Variants in CACNG3 observed in about 807,000 individuals in gnomAD.
The protein encoded by CACNG3 is calcium voltage-gated channel auxiliary subunit gamma 3, also known as voltage-dependent calcium channel gamma-3 subunit.
CACNG3 carries 3 observed loss-of-function variants against 28.5 expected under a neutral mutation model. The observed-to-expected ratio is 0.11, with a 90% confidence interval of 0.05 to 0.27. The LOEUF (loss-of-function observed/expected upper bound fraction) is 0.27, where lower values mean the gene tolerates loss of function less well. Among genes scored for constraint, CACNG3 ranks in the 10% least tolerant of loss-of-function variants. The pLI, the probability that CACNG3 is intolerant of heterozygous loss-of-function variation, is 1.00. For synonymous variants in CACNG3, 174 were observed against 162.2 expected, an observed-to-expected ratio of 1.07 and a Z score of -0.55; for missense variants, 236 against 414.4, an observed-to-expected ratio of 0.57 and a Z score of 3.74.
intron 1 of CACNG3, among the ~76,000 whole-genome samples, chr16:24,319,513 G>T (rs1899428437): frequency 6.6e-6 from 1 of 152,148 alleles, no homozygotes; most frequent in Non-Finnish European, 1.5e-5. Flanking sequence ...GAGTGCAGTG[G>T]TGTGATCATG....
At chr16:24,279,417 C>T (rs563197238) in intron 1 of CACNG3, among the ~76,000 whole-genome samples, 1 of 152,228 alleles carries the variant, frequency 6.6e-6, no homozygotes, top group East Asian at 1.9e-4. Flanking sequence ...CCTCAGCCTC[C>T]TGAGTAGCTG....
At chr16:24,333,811 C>T (rs1315726722) in intron 1 of CACNG3, among the ~76,000 whole-genome samples, 1 of 152,144 alleles carries the variant, frequency 6.6e-6, no homozygotes, top group Non-Finnish European at 1.5e-5. Flanking sequence ...CACTGCACTC[C>T]AGTCTGGTGA....
intron 1 of CACNG3, among the ~76,000 whole-genome samples, chr16:24,299,369 C>A (rs1357841536): frequency 6.6e-6 from 1 of 152,148 alleles, no homozygotes; most frequent in Non-Finnish European, 1.5e-5. Context: ...TTTGAAGCAG[C>A]CCCCATCAAT....
intron 1 of CACNG3, among the ~76,000 whole-genome samples, chr16:24,305,305 CTT>C (rs1191941669): frequency 1.4e-5 from 2 of 146,094 alleles, no homozygotes; most frequent in African/African-American, 2.5e-5. Context: ...TATATACAAA[CTT>C]ATATACATAA....
chr16:24,283,778 C>G (rs9935975), intron 1 of CACNG3, among the ~76,000 whole-genome samples: 71,582 of 151,960 alleles, frequency 0.47, 17,228 homozygotes, highest in East Asian at 0.7. Flanking sequence ...TCACAGATCT[C>G]GGTTTACATC....
intron 1 of CACNG3, among the ~76,000 whole-genome samples, chr16:24,298,553 TAA>T (rs1899063922): frequency 1.3e-5 from 2 of 152,186 alleles, no homozygotes; most frequent in African/African-American, 2.4e-5. Context: ...AAAGATAATA[TAA>T]GAGTTCCTGC....
chr16:24,316,491 G>C (rs1421167221), intron 1 of CACNG3, among the ~76,000 whole-genome samples: 2 of 152,166 alleles, frequency 1.3e-5, no homozygotes, highest in Non-Finnish European at 2.9e-5. Flanking sequence ...AGCTCCTGCG[G>C]GAAGGACATG....
At chr16:24,302,486 G>A (rs1238496170) in intron 1 of CACNG3, among the ~76,000 whole-genome samples, 1 of 151,832 alleles carries the variant, frequency 6.6e-6, no homozygotes. Context: ...ATGGAGTCTT[G>A]CTCTGTTGCC....
In CACNG3 at chr16:24,361,757, A is replaced by G. The variant is rs1900104687; in HGVS notation, c.842A>G (p.Asn281Ser). Residue 281 changes from asparagine (N) to serine (S), a missense_variant, in exon 4 of 4, where the codon AAC (asparagine) becomes AGC (serine). Transcript: ENST00000005284. The surrounding 1 kb of genome is among the most constrained non-coding windows in gnomAD (Gnocchi z 6.8). The part of the protein sequence containing the change: ...PSKITMGTLL[N>S]SDRDHAFLQF... ...AAGATCACCATGGGGACCCTCCTCAACTCCGACCGGGACCACGCTTTTCTA... is the reference window on the plus strand; with the variant it reads ...AAGATCACCATGGGGACCCTCCTCAGCTCCGACCGGGACCACGCTTTTCTA... 1.2e-6 allele frequency: 2 copies of G among 1,613,608 alleles called. No individual in the cohort carries two copies. The highest frequency in any genetic ancestry group is 1.7e-6 in the Non-Finnish European group (2 of 1,179,898).
intron 1 of CACNG3, among the ~76,000 whole-genome samples, chr16:24,274,715 C>A (rs951493125): frequency 1.3e-5 from 2 of 152,282 alleles, no homozygotes; most frequent in Middle Eastern, 6.8e-3. Context: ...AGAATATCCC[C>A]GAGATGAGCT....
At chr16:24,281,682 T>G (rs1326787656) in intron 1 of CACNG3, among the ~76,000 whole-genome samples, 2 of 152,192 alleles carry the variant, frequency 1.3e-5, no homozygotes, top group Non-Finnish European at 2.9e-5. Context: ...TGATTCAATC[T>G]TGAAGTAGGA....
chr16:24,352,976 TTTTG>T (rs753964505), intron 2 of CACNG3, among the ~76,000 whole-genome samples: 16 of 151,982 alleles, frequency 1.1e-4, no homozygotes, highest in Non-Finnish European at 2.2e-4. Flanking sequence ...TGTTTTTTGT[TTTTG>T]TTTGTTTGTT....
chr16:24,257,510 C>T (rs1309742843), intron 1 of CACNG3, among the ~76,000 whole-genome samples: 2 of 151,300 alleles, frequency 1.3e-5, no homozygotes, highest in African/African-American at 2.4e-5. Flanking sequence ...TTTGCTCTAA[C>T]TAGATATTGT....
intron 1 of CACNG3, among the ~76,000 whole-genome samples, chr16:24,316,000 G>A (rs1012993233): frequency 3.9e-5 from 6 of 152,072 alleles, no homozygotes; most frequent in South Asian, 2.1e-4. Context: ...TGTACTATGT[G>A]CCAGGCAGCA....
In CACNG3 at chr16:24,361,686, C is replaced by T. The variant is rs144805488; in HGVS notation, c.771C>T (p.Ile257=). 9.3e-6 allele frequency: 15 copies of T among 1,613,986 alleles called. No homozygotes were observed. The African/African-American group carries it at 1.6e-4, about 17-fold the overall frequency. Residue 257 remains isoleucine (I), a synonymous_variant, in exon 4 of 4, where the codon ATC becomes ATT. Coordinates refer to ENST00000005284, the MANE Select transcript of CACNG3 (RefSeq NM_006539.4). This position sits in a 1 kb window ranked among gnomAD's most constrained non-coding sequence, Gnocchi z 6.8. ...LSPISKGFHT[I]PSTDISMFTL... ...CCATCAGCAAAGGCTTCCACACCAT[C>T]CCTTCCACTGACATCTCGATGTTCA...
At chr16:24,312,970 G>GAAAGAAAGAAAGA (rs1567216144) in intron 1 of CACNG3, among the ~76,000 whole-genome samples, 31 of 130,486 alleles carry the variant, frequency 2.4e-4, no homozygotes, top group Admixed American at 2.0e-3. Flanking sequence ...AGAAAGAAAA[G>GAAAGAAAGAAAGA]AAAGAAAGAA....
At chr16:24,305,343 TG>T (rs1899172024) in intron 1 of CACNG3, among the ~76,000 whole-genome samples, 3 of 150,682 alleles carry the variant, frequency 2.0e-5, no homozygotes, top group African/African-American at 7.3e-5. Flanking sequence ...TGTGTGTGTG[TG>T]TGTGTGTGTG....
intron 1 of CACNG3, among the ~76,000 whole-genome samples, chr16:24,328,385 G>A (rs2238516): frequency 0.29 from 43,663 of 148,344 alleles, 6,682 homozygotes; most frequent in South Asian, 0.42. Context: ...AGGGGCTGGG[G>A]CCACATCACA....
intron 3 of CACNG3, among the ~76,000 whole-genome samples, chr16:24,355,778 T>C (rs536502807): frequency 3.6e-4 from 54 of 152,094 alleles, no homozygotes; most frequent in Non-Finnish European, 4.7e-4. Context: ...CCTGCAAAGT[T>C]TGAAAGTCAT....
Sources: gnomAD v4.1 joint callset for allele counts (sites outside exome capture counted in the v4.1 genomes callset) on GRCh38, gnomAD v4.1.1 for gene constraint, Gnocchi (gnomAD v3.1) non-coding constraint, MANE v1.5 for transcripts, NCBI Gene and HGNC (gene_info 2026-07-23, HGNC 2026-07-21) for gene names.